The following PLCE1 variants were observed in gnomAD, a reference collection of about 807,000 sequenced individuals.
PLCE1 encodes 1-phosphatidylinositol 4,5-bisphosphate phosphodiesterase epsilon-1.
In PLCE1, 119 loss-of-function variants were observed where a neutral mutation model predicts 242.8. That is an observed-to-expected ratio of 0.49 (90% CI 0.42 to 0.57). PLCE1 has a LOEUF of 0.57. Among genes scored for constraint, PLCE1 ranks in the 20% least tolerant of loss-of-function variants. The probability of loss-of-function intolerance (pLI) is 0.00; values close to 1 mark genes in which losing one functional copy is unlikely to be tolerated. For synonymous variants in PLCE1, 945 were observed against 1,017.4 expected (o/e 0.93, Z 1.35); for missense variants, 2,441 against 2,788.8 (o/e 0.88, Z 2.81).
chr10:94,071,046 A>G (rs1197834397), intron 2 of PLCE1, among the ~76,000 whole-genome samples: 1 of 152,188 alleles, frequency 6.6e-6, no homozygotes, highest in Non-Finnish European at 1.5e-5. Flanking sequence ...TTCACAGAAG[A>G]ACAAAGTGAA....
chr10:94,194,546 C>T (rs1407180248), intron 4 of PLCE1, among the ~76,000 whole-genome samples: 1 of 152,204 alleles, frequency 6.6e-6, no homozygotes, highest in African/African-American at 2.4e-5. Context: ...CTGCACAATT[C>T]CAGAGGGCAC....
chr10:94,115,306 T>C (rs567046453), intron 2 of PLCE1, among the ~76,000 whole-genome samples: 1 of 152,330 alleles, frequency 6.6e-6, no homozygotes, highest in South Asian at 2.1e-4. Flanking sequence ...CTGGGTCAAA[T>C]GGTATTTCTA....
chr10:94,275,722 G>A (rs1320429750), intron 19 of PLCE1, among the ~76,000 whole-genome samples: 1 of 152,042 alleles, frequency 6.6e-6, no homozygotes, highest in Non-Finnish European at 1.5e-5. Context: ...TGTATTCCCA[G>A]CTACTGGAGA....
At chr10:94,160,658 C>T (rs1357618637) in intron 3 of PLCE1, among the ~76,000 whole-genome samples, 1 of 152,100 alleles carries the variant, frequency 6.6e-6, no homozygotes, top group Non-Finnish European at 1.5e-5. Context: ...CTTTTATTGC[C>T]ATTGCTTTTG....
At chr10:94,214,598 A>G (rs917014335) in intron 4 of PLCE1, among the ~76,000 whole-genome samples, 8 of 152,146 alleles carry the variant, frequency 5.3e-5, no homozygotes, top group Admixed American at 5.2e-4. Flanking sequence ...AGTGGAATGT[A>G]CGCCAACACA....
intron 1 of PLCE1, among the ~76,000 whole-genome samples, chr10:94,004,058 A>G (rs2060988177): frequency 1.3e-5 from 2 of 151,988 alleles, no homozygotes; most frequent in Admixed American, 1.3e-4. Context: ...GAGGCAAGGA[A>G]TTGCTTGAAG....
intron 3 of PLCE1, among the ~76,000 whole-genome samples, chr10:94,144,969 G>A (rs976982224): frequency 1.3e-5 from 2 of 152,224 alleles, no homozygotes; most frequent in Non-Finnish European, 2.9e-5. Context: ...AGATAACATA[G>A]GCTCTTGTTA....
intron 4 of PLCE1, among the ~76,000 whole-genome samples, chr10:94,210,328 A>G (rs1439466617): frequency 6.6e-6 from 1 of 152,172 alleles, no homozygotes; most frequent in Non-Finnish European, 1.5e-5. Flanking sequence ...CTACAAAAAA[A>G]GCAAGGCTGG....
chr10:94,001,619 C>A (rs955778688), intron 1 of PLCE1, among the ~76,000 whole-genome samples: 3 of 152,114 alleles, frequency 2.0e-5, no homozygotes, highest in African/African-American at 7.2e-5. Flanking sequence ...AGCCTGTGAC[C>A]AAGTACATGC....
chr10:93,997,770 C>T (rs532605571), intron 1 of PLCE1, among the ~76,000 whole-genome samples: 4 of 151,616 alleles, frequency 2.6e-5, no homozygotes, highest in South Asian at 2.1e-4. Flanking sequence ...GTTCAACCAC[C>T]GTAATAGACG....
intron 3 of PLCE1, among the ~76,000 whole-genome samples, chr10:94,157,979 G>A (rs1159795506): frequency 6.6e-6 from 1 of 152,174 alleles, no homozygotes; most frequent in Non-Finnish European, 1.5e-5. Context: ...TGTCTACATA[G>A]AGTGGTTGTG....
intron 2 of PLCE1, among the ~76,000 whole-genome samples, chr10:94,084,296 A>C (rs1430192944): frequency 6.6e-6 from 1 of 152,190 alleles, no homozygotes; most frequent in South Asian, 2.1e-4. Context: ...GGGCTGCCAT[A>C]GCTTTGCCGT....
chr10:94,140,724 T>C (rs763485793), intron 3 of PLCE1, among the ~76,000 whole-genome samples: 3 of 152,242 alleles, frequency 2.0e-5, no homozygotes, highest in Non-Finnish European at 4.4e-5. Flanking sequence ...GTTGACTTCC[T>C]CAAAATCAAA....
intron 2 of PLCE1, among the ~76,000 whole-genome samples, chr10:94,042,552 T>A (rs1295474174): frequency 6.6e-6 from 1 of 152,194 alleles, no homozygotes; most frequent in African/African-American, 2.4e-5. Flanking sequence ...AATTCTGTTC[T>A]CTTATTAAAT....
intron 8 of PLCE1, among the ~76,000 whole-genome samples, chr10:94,248,332 C>T (rs1046378021): frequency 5.3e-5 from 8 of 152,102 alleles, no homozygotes; most frequent in African/African-American, 1.4e-4. Context: ...CTGTGTGTGG[C>T]GGCTTATGCC....
At chr10:94,293,361 T>C (rs1489961779) in intron 22 of PLCE1, 147 bp from the exon 23 acceptor site, 2 of 828,334 alleles carry the variant, frequency 2.4e-6, no homozygotes, top group East Asian at 2.8e-5. Flanking sequence ...AATGCTATTA[T>C]TAACAGAACA....
intron 4 of PLCE1, among the ~76,000 whole-genome samples, chr10:94,224,210 T>C (rs2049862851): frequency 6.6e-6 from 1 of 152,018 alleles, no homozygotes; most frequent in Admixed American, 6.6e-5. Context: ...AATGGAACAG[T>C]TGGTTTAAAT....
intron 1 of PLCE1, among the ~76,000 whole-genome samples, chr10:94,007,577 T>C (rs985182566): frequency 3.6e-4 from 12 of 33,642 alleles, no homozygotes; most frequent in Admixed American, 1.1e-3. Flanking sequence ...CTCTCTCTCT[T>C]TTTTTTTTTT....
rs145075576 is a variant in PLCE1 at position 94,330,643 on chromosome 10, G to A, written c.*2700G>A. 1 of 149,552 alleles carries A rather than the reference G, an allele frequency of 6.7e-6. No individual in the cohort carries two copies. The highest frequency in any genetic ancestry group is 2.5e-5 in the African/African-American group (1 of 40,326). 9.3% of individuals were successfully genotyped at this position (149,552 alleles called of 1,614,324 possible). ...AGACGCAGAGGTTGCAGTGAGTGGA[G>A]ACTGTGCCACTGCACTCCAGCCTGG... On this transcript the variant is annotated 3_prime_UTR_variant, in exon 33 of 33. Coordinates refer to ENST00000371380, the MANE Select transcript of PLCE1 (RefSeq NM_016341.4).
Sources: allele counts gnomAD v4.1 joint callset (sites outside exome capture counted in the v4.1 genomes callset), GRCh38; gene constraint gnomAD v4.1.1; transcripts MANE v1.5; gene names NCBI Gene and HGNC (gene_info 2026-07-23, HGNC 2026-07-21).